CALCR: variants seen among roughly 807,000 people sequenced by gnomAD.
CALCR encodes the protein calcitonin receptor.
A neutral mutation model predicts 59.5 loss-of-function variants in CALCR; 47 were observed. The observed-to-expected ratio is 0.79, with a 90% confidence interval of 0.63 to 1.01. CALCR has a LOEUF of 1.01. Ranked by LOEUF, CALCR falls within the 50% of genes least tolerant of loss-of-function variation. The pLI is 0.00. For missense variants in CALCR, 566 were observed against 597.1 expected (o/e 0.95, Z 0.54); for synonymous variants, 213 against 211.3 (o/e 1.01, Z -0.07).
chr7:93,511,865 C>T (rs1346874483), intron 2 of CALCR, among the ~76,000 whole-genome samples: 1 of 152,106 alleles, frequency 6.6e-6, no homozygotes, highest in Non-Finnish European at 1.5e-5. Flanking sequence ...AATGGATGGG[C>T]TTAACAGCAG....
intron 2 of CALCR, among the ~76,000 whole-genome samples, chr7:93,513,840 T>C (rs1322319380): frequency 4.7e-5 from 7 of 150,178 alleles, no homozygotes; most frequent in African/African-American, 1.5e-4. Context: ...CAAATAAACA[T>C]ATAGATATTT....
chr7:93,533,603 A>T (rs724683), intron 2 of CALCR, among the ~76,000 whole-genome samples: 29,125 of 151,384 alleles, frequency 0.19, 3,456 homozygotes, highest in East Asian at 0.36. Flanking sequence ...AAGACTTTTT[A>T]AAAAAAATGT....
rs1584562351 is a variant in CALCR, at chr7:93,471,940, G to A, written c.429+435C>T. ...GCCCTACTTTAGGAGTTCTTTCTATGCTTTATTACAAAACTAAGGTTGTGG... is the reference window on the plus strand; with the variant it reads ...GCCCTACTTTAGGAGTTCTTTCTATACTTTATTACAAAACTAAGGTTGTGG... On this transcript the variant is annotated intron_variant, in intron 6 of 13. Transcript: ENST00000426151. 2.0e-5 allele frequency among the ~76,000 whole-genome samples: 3 copies of A among 151,768 alleles called. No individual in the cohort carries two copies. In the East Asian group the frequency reaches 5.8e-4, roughly 29 times the overall value.
At chr7:93,515,601 T>C (rs1275158392) in intron 2 of CALCR, among the ~76,000 whole-genome samples, 1 of 152,048 alleles carries the variant, frequency 6.6e-6, no homozygotes, top group African/African-American at 2.4e-5. Context: ...TCTAATGAAA[T>C]ATATACACAT....
At chr7:93,507,339 G>T (rs959835107) in intron 2 of CALCR, among the ~76,000 whole-genome samples, 19 of 152,074 alleles carry the variant, frequency 1.2e-4, no homozygotes, top group Non-Finnish European at 2.6e-4. Context: ...GTCAGTTAAT[G>T]CCTGATGGAG....
intron 11 of CALCR, among the ~76,000 whole-genome samples, chr7:93,436,913 C>A (rs1799791394): frequency 2.0e-5 from 3 of 152,170 alleles, no homozygotes; most frequent in Admixed American, 2.0e-4. Context: ...CCTTCCTCTG[C>A]CCAAAAGTGC....
intron 2 of CALCR, among the ~76,000 whole-genome samples, chr7:93,525,462 T>C (rs1254361207): frequency 6.6e-6 from 1 of 152,142 alleles, no homozygotes; most frequent in Non-Finnish European, 1.5e-5. Flanking sequence ...TGGCAGAGAA[T>C]TGTTGAGGTT....
At chr7:93,494,160 A>G (rs1273522124) in intron 2 of CALCR, among the ~76,000 whole-genome samples, 1 of 151,416 alleles carries the variant, frequency 6.6e-6, no homozygotes, top group African/African-American at 2.4e-5. Flanking sequence ...ATGGCGAGAA[A>G]CCAGCTTCTT....
intron 2 of CALCR, among the ~76,000 whole-genome samples, chr7:93,502,295 G>A (rs1187116901): frequency 6.6e-6 from 1 of 152,114 alleles, no homozygotes; most frequent in Non-Finnish European, 1.5e-5. Context: ...CAGAAGTTAA[G>A]TAACTTGATT....
intron 7 of CALCR, among the ~76,000 whole-genome samples, chr7:93,461,318 T>C (rs1280133305): frequency 1.3e-5 from 2 of 152,176 alleles, no homozygotes; most frequent in African/African-American, 4.8e-5. Flanking sequence ...CTGTTCATTG[T>C]TGCAACCAGG....
At chr7:93,476,017 TC>T (rs1216606541) in intron 5 of CALCR, among the ~76,000 whole-genome samples, 7 of 151,878 alleles carry the variant, frequency 4.6e-5, no homozygotes, top group Non-Finnish European at 8.8e-5. Context: ...CGAGGTCCTG[TC>T]CCTAGAGATT....
At chr7:93,440,363 T>C (rs1191174164) in intron 9 of CALCR, among the ~76,000 whole-genome samples, 2 of 152,172 alleles carry the variant, frequency 1.3e-5, no homozygotes. Context: ...ACTATTTTTT[T>C]CTTGAGAAAT....
intron 2 of CALCR, among the ~76,000 whole-genome samples, chr7:93,539,562 C>G (rs1584616476): frequency 6.6e-6 from 1 of 151,910 alleles, no homozygotes; most frequent in Admixed American, 6.6e-5. Context: ...TCAATTACAC[C>G]CAAAGAGTCG....
intron 9 of CALCR, among the ~76,000 whole-genome samples, chr7:93,442,586 T>TA (rs1185293409): frequency 6.6e-6 from 1 of 152,188 alleles, no homozygotes; most frequent in Non-Finnish European, 1.5e-5. Flanking sequence ...GTGATGTTTT[T>TA]AAAAAATCCC....
intron 8 of CALCR, among the ~76,000 whole-genome samples, chr7:93,444,106 T>TTA (rs1799965242): frequency 6.6e-6 from 1 of 152,150 alleles, no homozygotes; most frequent in Non-Finnish European, 1.5e-5. Context: ...TATGGCCCCT[T>TTA]TTCTATGGCC....
At chr7:93,556,550 A>C (rs190669068) in intron 2 of CALCR, among the ~76,000 whole-genome samples, 8 of 152,202 alleles carry the variant, frequency 5.3e-5, no homozygotes, top group African/African-American at 1.9e-4. Flanking sequence ...CTTCTCCAAC[A>C]TAACTTCTCA....
chr7:93,497,638 A>C (rs778009594), intron 2 of CALCR, among the ~76,000 whole-genome samples: 1 of 151,526 alleles, frequency 6.6e-6, no homozygotes, highest in Non-Finnish European at 1.5e-5. Context: ...ATCCCTGACT[A>C]CAACCAGCCC....
chr7:93,485,494 T>C (rs565246291), intron 3 of CALCR, among the ~76,000 whole-genome samples: 36 of 151,848 alleles, frequency 2.4e-4, no homozygotes, highest in Non-Finnish European at 4.6e-4. Flanking sequence ...CTTTAGTTTT[T>C]CTTCTGTCAT....
At chr7:93,510,161 G>A (rs1216730057) in intron 2 of CALCR, among the ~76,000 whole-genome samples, 1 of 151,784 alleles carries the variant, frequency 6.6e-6, no homozygotes, top group Non-Finnish European at 1.5e-5. Flanking sequence ...AGAGTGGTGG[G>A]TACTCGATAA....
Sources: allele counts gnomAD v4.1 joint callset (sites outside exome capture counted in the v4.1 genomes callset), GRCh38; gene constraint gnomAD v4.1.1; transcripts MANE v1.5; gene names NCBI Gene and HGNC (gene_info 2026-07-23, HGNC 2026-07-21).